DNAH2: variants seen among roughly 807,000 people sequenced by gnomAD.
DNAH2 encodes the protein dynein axonemal heavy chain 2, also known as axonemal beta dynein heavy chain 2.
A neutral mutation model predicts 523.5 loss-of-function variants in DNAH2; 323 were observed. The ratio of observed to expected loss-of-function variants is 0.62; its 90% CI spans 0.56 to 0.68. The LOEUF (loss-of-function observed/expected upper bound fraction) is 0.68. Among genes scored for constraint, DNAH2 ranks in the 30% least tolerant of loss-of-function variants. The probability of loss-of-function intolerance (pLI) is 0.00; values close to 1 mark genes in which losing one functional copy is unlikely to be tolerated. For missense variants in DNAH2, 4,907 were observed against 5,701.5 expected (o/e 0.86, Z 4.49); for synonymous variants, 2,093 against 2,177.4 (o/e 0.96, Z 1.08).
Position 7,831,834 on chromosome 17 carries a change from C to T in DNAH2, c.12726+59C>T, listed in dbSNP as rs2078184985. 2.0e-6 allele frequency: 3 copies of T among 1,478,426 alleles called. No homozygotes were observed. Among genetic ancestry groups the T allele is most frequent in the South Asian group, 2.4e-5 (2 of 83,186 alleles). 91.6% of individuals were successfully genotyped at this position (1,478,426 alleles called of 1,614,324 possible). ...AATGAGCTCCCCTCTCAATCCTGGG[C>T]CCCCCAATCTCCTGGTTCTAGGTGG... On this transcript the variant is annotated intron_variant, in intron 82 of 85. Coordinates refer to ENST00000572933, the MANE Select transcript of DNAH2 (RefSeq NM_020877.5). This position sits in a 1 kb window ranked among gnomAD's most constrained non-coding sequence, Gnocchi z 4.2.
At position 7,798,307 on chromosome 17, in the gene DNAH2, A is replaced by G. The variant is rs371382429; in HGVS notation, c.8381A>G (p.Lys2794Arg). The G allele has an allele frequency of 6.2e-7, 1 of 1,611,698 alleles. No individual in the cohort carries two copies. Among genetic ancestry groups the G allele is most frequent in the Non-Finnish European group, 8.5e-7 (1 of 1,178,196 alleles). The part of the protein sequence containing the change: ...FQIEVTKHYR[K>R]QEFRDDIKRL... ...ATCGAGGTCACCAAACATTATCGGA[A>G]GCAGGAGTTCCGAGATGGTACGGCT... Residue 2794 changes from lysine to arginine, a missense_variant, in exon 54 of 86, where the codon AAG becomes AGG. This residue lies in a region of DNAH2 where 1,851 missense variants were observed against 2,139.4 expected (regional missense o/e 0.87). Coordinates refer to ENST00000572933, the MANE Select transcript of DNAH2 (RefSeq NM_020877.5). The surrounding 1 kb of genome is among the most constrained non-coding windows in gnomAD (Gnocchi z 5.5).
At chr17:7,796,779 A>C in intron 50 of DNAH2, 127 bp downstream of exon 50, 2 of 1,084,964 alleles carry the variant, frequency 1.8e-6, no homozygotes, top group Non-Finnish European at 1.3e-6. Flanking sequence ...GAAGTGCCAC[A>C]CTCCCTGGCC....
chr17:7,727,344 C>T, intron 4 of DNAH2, 52 bp downstream of exon 4: 1 of 1,561,476 alleles, frequency 6.4e-7, no homozygotes, highest in Non-Finnish European at 8.6e-7. Context: ...GAGCCGAGGG[C>T]TCTCAGTTCC....
Position 7,770,241 on chromosome 17 carries a change from C to T in DNAH2, c.3942-11C>T, listed in dbSNP as rs369708190. ...TCTCCTGACCTCACACCCTCCTGTT[C>T]CTGGCTGCAGGCACTGGGACCAGGT... On this transcript the variant is annotated splice_polypyrimidine_tract_variant and intron_variant, in intron 24 of 85. Transcript: ENST00000572933. 2.9e-5 allele frequency: 46 copies of T among 1,592,886 alleles called. No individual in the cohort carries two copies. The South Asian group carries it at 3.9e-4, about 14-fold the overall frequency.
In DNAH2 at chr17:7,824,271, G is replaced by A. The variant is rs373640266; in HGVS notation, c.11629G>A (p.Ala3877Thr). 272 of 1,540,462 alleles carry A rather than the reference G, an allele frequency of 1.8e-4. No homozygotes were observed. Among genetic ancestry groups the A allele is most frequent in the Non-Finnish European group, 2.2e-4 (255 of 1,148,610 alleles). ...LSLGQGQAPI[A>T]ARLLREGVTQ... ...CCTGGGCCAGGGCCAGGCCCCCATC[G>A]CTGCTCGGCTCCTCCGAGAGGGTGT... The change falls in exon 76 of 86, where the codon GCT becomes ACT. Residue 3877 changes from alanine (A) to threonine (T), a missense_variant. Around this residue, in one of 3 missense-constraint regions of DNAH2, gnomAD observed 1,851 missense variants for 2,139.4 expected, o/e 0.87. Transcript: ENST00000572933.
In DNAH2 at chr17:7,728,259, T is replaced by A. The variant is rs139426167; in HGVS notation, c.399+967T>A. Among the ~76,000 whole-genome samples the A allele has an allele frequency of 2.9e-3, 447 of 152,276 alleles. 15 individuals carry two copies. In the East Asian group the frequency reaches 0.069, roughly 23 times the overall value. ...AGAATCTGGGTGGTGGTCATACAGG[T>A]CATCACTGTAAAATTCTTTGAACTT... is the stretch of plus-strand genomic sequence containing the variant. On this transcript the variant is annotated intron_variant, in intron 4 of 85. Transcript: ENST00000572933.
At position 7,798,741 on chromosome 17, in the gene DNAH2, G is replaced by T. The variant is rs201153606; in HGVS notation, c.8559+23G>T. 3 of 1,603,622 alleles carry T rather than the reference G, an allele frequency of 1.9e-6. No individual in the cohort carries two copies. Among genetic ancestry groups the T allele is most frequent in the Non-Finnish European group, 2.6e-6 (3 of 1,175,982 alleles). ...GAGGTAGGATTCCTTCCACACCCTT[G>T]ACCAGTCAGTTCTTTGGCCTGCCTA... On this transcript the variant is annotated intron_variant, in intron 55 of 85. Coordinates refer to ENST00000572933, the MANE Select transcript of DNAH2 (RefSeq NM_020877.5). This position sits in a 1 kb window ranked among gnomAD's most constrained non-coding sequence, Gnocchi z 5.5.
rs746468274 is a variant in DNAH2 at position 7,798,154 on chromosome 17, C to T, written c.8231-3C>T. On this transcript the variant is annotated splice_polypyrimidine_tract_variant and splice_region_variant and intron_variant, in intron 53 of 85. Transcript: ENST00000572933. The surrounding 1 kb of genome is among the most constrained non-coding windows in gnomAD (Gnocchi z 5.5). ...ATTACCCTCACACCCACCCCACCCC[C>T]AGTCACACGGATCGTGCGGGTCATT... The T allele has an allele frequency of 3.8e-6, 6 of 1,586,370 alleles. No individual in the cohort carries two copies. The South Asian group carries it at 4.5e-5, about 12-fold the overall frequency.
chr17:7,757,026 T>A, intron 12 of DNAH2, 65 bp from the exon 13 acceptor site: 1 of 1,599,742 alleles, frequency 6.3e-7, no homozygotes, highest in Non-Finnish European at 8.6e-7. Flanking sequence ...CTCCACCTGT[T>A]CGATTGTTGC....
At chr17:7,787,753 A>G (rs79548664) in intron 42 of DNAH2, 107 bp from the exon 43 acceptor site, 1 of 1,372,812 alleles carries the variant, frequency 7.3e-7, no homozygotes, top group Non-Finnish European at 9.7e-7. Flanking sequence ...AAAAAAAAAA[A>G]AGCAAATCGT....
At chr17:7,768,407 C>T (rs982750714) in intron 24 of DNAH2, 140 bp downstream of exon 24, 5 of 820,634 alleles carry the variant, frequency 6.1e-6, no homozygotes, top group African/African-American at 5.2e-5. Flanking sequence ...TTTTCTCTTT[C>T]CTCTTTTTAA....
chr17:7,724,367 TC>T (rs2074726102), intron 3 of DNAH2, among the ~76,000 whole-genome samples: 2 of 152,292 alleles, frequency 1.3e-5, no homozygotes, highest in Non-Finnish European at 2.9e-5. Flanking sequence ...AAGCCTGTAA[TC>T]CCGCACTTTA....
Position 7,771,462 on chromosome 17 carries a change from C to G in DNAH2, c.4495C>G (p.His1499Asp). 6.2e-7 allele frequency: 1 copy of G among 1,613,904 alleles called. No homozygotes were observed. The highest frequency in any genetic ancestry group is 8.5e-7 in the Non-Finnish European group (1 of 1,179,852). The change falls in exon 28 of 86, where the codon CAC (histidine) becomes GAC (aspartate). Residue 1499 changes from histidine to aspartate, a missense_variant. Around this residue, in one of 3 missense-constraint regions of DNAH2, gnomAD observed 2,806 missense variants for 3,190.8 expected, o/e 0.88. Coordinates refer to ENST00000572933, the MANE Select transcript of DNAH2 (RefSeq NM_020877.5). ...KDNNALRSTH[H>D]PGLLDTLIEM... ...CAACAATGCTCTCCGGAGCACCCATCACCCAGGTCAGAGCTCCAGGGCTCC... is the reference window on the plus strand; with the variant it reads ...CAACAATGCTCTCCGGAGCACCCATGACCCAGGTCAGAGCTCCAGGGCTCC...
In DNAH2 at chr17:7,831,365, C is replaced by T. The variant is rs202203326; in HGVS notation, c.12460-25C>T. The T allele has an allele frequency of 3.4e-4, 550 of 1,614,068 alleles. 3 individuals are homozygous for T. The African/African-American group carries it at 6.4e-3, about 19-fold the overall frequency. ...GGAAAGTGATGAGAAGAGGGGGCTA[C>T]ACTCAAGAGCTCCTGCCTGCTCAGG... On this transcript the variant is annotated intron_variant, in intron 80 of 85. Coordinates refer to ENST00000572933, the MANE Select transcript of DNAH2 (RefSeq NM_020877.5). This position sits in a 1 kb window ranked among gnomAD's most constrained non-coding sequence, Gnocchi z 4.2.
intron 12 of DNAH2, 189 bp downstream of exon 12, chr17:7,743,331 A>C: frequency 2.8e-6 from 2 of 726,532 alleles, no homozygotes; most frequent in East Asian, 5.3e-5. Context: ...CCCTGCTATC[A>C]ACATTTTAAT....
At chr17:7,829,934 G>C (rs563229627) in intron 77 of DNAH2, among the ~76,000 whole-genome samples, 7 of 150,484 alleles carry the variant, frequency 4.7e-5, no homozygotes, top group Non-Finnish European at 1.0e-4. Context: ...GCTGGGGCAG[G>C]AGAATCGCTT....
chr17:7,788,097 G>C lies in DNAH2; in HGVS notation c.6753G>C (p.Glu2251Asp). ...WLEKRPKAEVEPLQRMFEKLI... is the reference protein window; with the variant it reads ...WLEKRPKAEVDPLQRMFEKLI... ...TTATTCAACTCCAGGCTGAGGTGGA[G>C]CCCCTTCAACGCATGTTCGAAAAGC... is the stretch of plus-strand genomic sequence containing the variant. The change falls in exon 44 of 86, where the codon GAG becomes GAC. Residue 2251 changes from glutamate to aspartate, a missense_variant. Glu to Asp is a conservative substitution (Grantham distance 45). Around this residue, in one of 3 missense-constraint regions of DNAH2, gnomAD observed 2,806 missense variants for 3,190.8 expected, o/e 0.88. Coordinates refer to ENST00000572933, the MANE Select transcript of DNAH2 (RefSeq NM_020877.5). 1.2e-6 allele frequency: 2 copies of C among 1,614,242 alleles called. No homozygotes were observed. The highest frequency in any genetic ancestry group is 2.2e-5 in the East Asian group (1 of 44,892).
rs984550977 is a variant in DNAH2, at chr17:7,780,919, C to A, written c.6004-123C>A. On this transcript the variant is annotated intron_variant, in intron 38 of 85. Coordinates refer to ENST00000572933, the MANE Select transcript of DNAH2 (RefSeq NM_020877.5). This position sits in a 1 kb window ranked among gnomAD's most constrained non-coding sequence, Gnocchi z 4.4. Reference sequence around the variant, plus strand: ...CACCTCGTCCCATCCCCGTGTTGCCCGCTGCTTTGCTAATGGCTAACTGGT... The same window carrying A: ...CACCTCGTCCCATCCCCGTGTTGCCAGCTGCTTTGCTAATGGCTAACTGGT... 5.7e-6 allele frequency: 9 copies of A among 1,580,488 alleles called. No individual in the cohort carries two copies. The highest frequency in any genetic ancestry group is 1.7e-5 in the Admixed American group (1 of 59,142).
chr17:7,758,053 C>T (rs1014617341), intron 13 of DNAH2, among the ~76,000 whole-genome samples: 8 of 152,186 alleles, frequency 5.3e-5, no homozygotes, highest in Admixed American at 3.9e-4. Flanking sequence ...AGTTAAAGTC[C>T]AAGGAGGTGC....
Sources: gnomAD v4.1 joint callset for allele counts (sites outside exome capture counted in the v4.1 genomes callset) on GRCh38, gnomAD v4.1.1 for gene constraint, gnomAD v4.1.1 regional missense constraint, Gnocchi (gnomAD v3.1) non-coding constraint, MANE v1.5 for transcripts, NCBI Gene and HGNC (gene_info 2026-07-23, HGNC 2026-07-21) for gene names.